ALK: variants seen among roughly 807,000 people sequenced by gnomAD.
The protein encoded by ALK is ALK tyrosine kinase receptor.
In ALK, 74 loss-of-function variants were observed where a neutral mutation model predicts 163.1. That is an observed-to-expected ratio of 0.45 (90% CI 0.38 to 0.55). The LOEUF is 0.55. Among genes scored for constraint, ALK ranks in the 20% least tolerant of loss-of-function variants. ALK has a pLI of 0.00. For synonymous variants in ALK, 960 were observed against 843.2 expected (o/e 1.14, Z -2.40); for missense variants, 2,063 against 2,105.3 (o/e 0.98, Z 0.39).
chr2:29,199,629 A>G (rs183679183), intron 26 of ALK, among the ~76,000 whole-genome samples: 164 of 152,224 alleles, frequency 1.1e-3, no homozygotes, highest in African/African-American at 3.6e-3. Context: ...CATTGATACC[A>G]TTCTATTTTA....
intron 9 of ALK, among the ~76,000 whole-genome samples, chr2:29,296,408 G>C (rs1038997122): frequency 1.3e-5 from 2 of 152,282 alleles, no homozygotes; most frequent in East Asian, 3.9e-4. Flanking sequence ...TTTTGATTCT[G>C]TTTCTCCCCT....
chr2:29,361,342 A>G (rs1668383934), intron 5 of ALK, among the ~76,000 whole-genome samples: 2 of 152,180 alleles, frequency 1.3e-5, no homozygotes, highest in Non-Finnish European at 2.9e-5. Context: ...GCAGGAGATA[A>G]TATTCCACAT....
At chr2:29,213,203 C>G (rs1156838674) in intron 24 of ALK, among the ~76,000 whole-genome samples, 1 of 152,154 alleles carries the variant, frequency 6.6e-6, no homozygotes, top group African/African-American at 2.4e-5. Flanking sequence ...TGATTTCAAG[C>G]TGTCAGCTGA....
At chr2:29,831,607 T>C (rs980133240) in intron 1 of ALK, among the ~76,000 whole-genome samples, 1 of 152,150 alleles carries the variant, frequency 6.6e-6, no homozygotes, top group Non-Finnish European at 1.5e-5. Context: ...ATCACTATAA[T>C]TTACAACTTT....
chr2:29,694,066 GT>G (rs1388118713), intron 3 of ALK, among the ~76,000 whole-genome samples: 1 of 152,184 alleles, frequency 6.6e-6, no homozygotes, highest in Non-Finnish European at 1.5e-5. Context: ...AGTTAGTAGA[GT>G]TTTCTAGGTC....
At chr2:29,798,571 T>C (rs149979831) in intron 1 of ALK, among the ~76,000 whole-genome samples, 70 of 152,368 alleles carry the variant, frequency 4.6e-4, no homozygotes, top group African/African-American at 1.7e-3. Context: ...TTTCAGCAAA[T>C]GTACCTTAAA....
In ALK at chr2:29,216,766, G is replaced by GATGTGTGAGGTGTGTGTGGTGTGT. The variant is rs1344426901; in HGVS notation, c.3646-2709_3646-2686dup. On this transcript the variant is annotated intron_variant, in intron 23 of 28. Coordinates refer to ENST00000389048, the MANE Select transcript of ALK (RefSeq NM_004304.5). ...TTGTGTACGTGTGTGGTTTGTGTAG[G>GATGTGTGAGGTGTGTGTGGTGTGT]ATGTGTGAGGTGTGTGTGGTGTGTA... Among the ~76,000 whole-genome samples the GATGTGTGAGGTGTGTGTGGTGTGT allele has an allele frequency of 1.5e-3, 227 of 151,730 alleles. 1 individual carries two copies. In the South Asian group the frequency reaches 0.016, roughly 11 times the overall value.
At chr2:29,817,292 C>G (rs1461441083) in intron 1 of ALK, among the ~76,000 whole-genome samples, 2 of 152,286 alleles carry the variant, frequency 1.3e-5, no homozygotes, top group African/African-American at 2.4e-5. Flanking sequence ...TCTGTGACAA[C>G]TGGATAGGTC....
intron 1 of ALK, among the ~76,000 whole-genome samples, chr2:29,855,410 T>TG (rs1666113747): frequency 6.6e-6 from 1 of 152,274 alleles, no homozygotes; most frequent in South Asian, 2.1e-4. Context: ...GCTCATTTCT[T>TG]GGGGGTGACA....
At chr2:29,423,640 T>C (rs1207377365) in intron 4 of ALK, among the ~76,000 whole-genome samples, 1 of 152,174 alleles carries the variant, frequency 6.6e-6, no homozygotes, top group Non-Finnish European at 1.5e-5. Flanking sequence ...AATAGAAAAA[T>C]GTACATTGCA....
intron 3 of ALK, among the ~76,000 whole-genome samples, chr2:29,600,755 G>A (rs528875703): frequency 6.6e-6 from 1 of 152,196 alleles, no homozygotes; most frequent in Non-Finnish European, 1.5e-5. Flanking sequence ...GGACAGTCTG[G>A]GGACACGTTA....
chr2:29,738,042 G>A (rs910005471), intron 1 of ALK, among the ~76,000 whole-genome samples: 7 of 152,010 alleles, frequency 4.6e-5, no homozygotes, highest in Non-Finnish European at 8.8e-5. Context: ...CAGTGAAAAA[G>A]GGTAGAGATC....
intron 13 of ALK, among the ~76,000 whole-genome samples, chr2:29,236,466 C>A (rs1049776962): frequency 6.6e-6 from 1 of 152,188 alleles, no homozygotes; most frequent in Non-Finnish European, 1.5e-5. Flanking sequence ...TTATTGAGTA[C>A]CTACTTTGTG....
intron 4 of ALK, among the ~76,000 whole-genome samples, chr2:29,443,440 C>T (rs1670595251): frequency 6.6e-6 from 1 of 152,314 alleles, no homozygotes; most frequent in East Asian, 1.9e-4. Context: ...GTATGTAAGG[C>T]CAAATAAACT....
At chr2:29,254,280 A>G (rs774328647) in intron 11 of ALK, among the ~76,000 whole-genome samples, 5 of 146,722 alleles carry the variant, frequency 3.4e-5, no homozygotes, top group Non-Finnish European at 6.0e-5. Flanking sequence ...TAATACATAT[A>G]TGAATACATA....
At chr2:29,571,056 TAGGAAGAGCCCACAGTCCTGG>T (rs1279158285) in intron 3 of ALK, among the ~76,000 whole-genome samples, 1 of 151,440 alleles carries the variant, frequency 6.6e-6, no homozygotes, top group Non-Finnish European at 1.5e-5. Context: ...TAAAGAAACA[TAGGAAGAGCCCACAGTCCTGG>T]AGGGAGATAG....
intron 3 of ALK, among the ~76,000 whole-genome samples, chr2:29,674,158 C>T (rs1677798421): frequency 1.3e-5 from 2 of 151,452 alleles, no homozygotes; most frequent in African/African-American, 2.4e-5. Context: ...TAATTGAATA[C>T]CCTTTATTTC....
chr2:29,919,683 G>C (rs796738354), intron 1 of ALK, among the ~76,000 whole-genome samples: 1 of 152,156 alleles, frequency 6.6e-6, no homozygotes, highest in African/African-American at 2.4e-5. Context: ...CTGTCCCGGG[G>C]CCCAGGAAGA....
At chr2:29,394,559 G>A (rs1342176420) in intron 4 of ALK, among the ~76,000 whole-genome samples, 1 of 152,184 alleles carries the variant, frequency 6.6e-6, no homozygotes, top group Non-Finnish European at 1.5e-5. Flanking sequence ...GGATGGTGCT[G>A]GCATTCCAGG....
Sources: allele counts gnomAD v4.1 joint callset (sites outside exome capture counted in the v4.1 genomes callset), GRCh38; gene constraint gnomAD v4.1.1; transcripts MANE v1.5; gene names NCBI Gene and HGNC (gene_info 2026-07-23, HGNC 2026-07-21).